NHSL2: variants seen among roughly 807,000 people sequenced by gnomAD.
The protein encoded by NHSL2 is NHS-like protein 2.
In NHSL2, 27 loss-of-function variants were observed where a neutral mutation model predicts 53.4. The observed-to-expected ratio is 0.51, with a 90% CI of 0.37 to 0.70. NHSL2 has a LOEUF of 0.70. Among genes scored for constraint, NHSL2 ranks in the 30% least tolerant of loss-of-function variants. NHSL2 has a pLI of 0.00. For missense variants in NHSL2, 892 were observed against 980.1 expected (o/e 0.91, Z 1.20); for synonymous variants, 408 against 404.1 (o/e 1.01, Z -0.12).
chrX:71,965,176 G>A (rs1282019634), intron 1 of NHSL2, among the ~76,000 whole-genome samples: 2 of 112,322 alleles, frequency 1.8e-5, no homozygotes, highest in Non-Finnish European at 3.8e-5. Context: ...TTTTCAAAAA[G>A]CCATCACCAT....
intron 1 of NHSL2, among the ~76,000 whole-genome samples, chrX:71,944,174 A>G (rs989787646): frequency 4.4e-5 from 5 of 112,361 alleles, no homozygotes; most frequent in Non-Finnish European, 9.4e-5. Context: ...CTTCTGTCAC[A>G]TGCTCCCTCT....
intron 1 of NHSL2, among the ~76,000 whole-genome samples, chrX:72,021,060 TAC>T (rs68122154): frequency 0.12 from 13,324 of 106,704 alleles, 1,679 homozygotes; most frequent in African/African-American, 0.37. Flanking sequence ...CGCGTGCGCA[TAC>T]ACACACACAC....
intron 1 of NHSL2, among the ~76,000 whole-genome samples, chrX:72,009,687 A>G (rs759320465): frequency 3.6e-5 from 4 of 112,346 alleles, no homozygotes; most frequent in Admixed American, 2.8e-4. Context: ...AGCACTTAAT[A>G]CTATCTGACA....
In NHSL2 at chrX:72,126,160, C is replaced by T. The variant is rs1002660912; in HGVS notation, c.281-5919C>T. ...AGAAATACCATGGTTTCCTCCCTCC[C>T]TCCCTTCCTCTTAAAGGGACAAAGC... On this transcript the variant is annotated intron_variant, in intron 1 of 7. Transcript: ENST00000633930. 2.7e-5 allele frequency among the ~76,000 whole-genome samples: 3 copies of T among 111,949 alleles called. No individual in the cohort carries two copies. In the Admixed American group the frequency reaches 2.8e-4, roughly 11 times the overall value.
chrX:71,929,539 A>G (rs1433044837), intron 1 of NHSL2, among the ~76,000 whole-genome samples: 1 of 112,277 alleles, frequency 8.9e-6, no homozygotes, highest in Admixed American at 9.4e-5. Context: ...CTGGTTAAGA[A>G]CTTAATTTAA....
intron 1 of NHSL2, among the ~76,000 whole-genome samples, chrX:72,041,261 C>G (rs1320350623): frequency 9.0e-6 from 1 of 111,251 alleles, no homozygotes; most frequent in East Asian, 2.8e-4. Flanking sequence ...GTGAGTGAAG[C>G]AGGTCACATA....
chrX:72,003,758 C>T (rs2042081886), intron 1 of NHSL2, among the ~76,000 whole-genome samples: 1 of 111,454 alleles, frequency 9.0e-6, no homozygotes, highest in African/African-American at 3.3e-5. Flanking sequence ...GTATTGCGGG[C>T]CTGACAGACC....
rs775615995 is a variant in NHSL2, at chrX:72,132,065, C to A, written c.281-14C>A. Reference sequence around the variant, plus strand: ...AGCTCGCCTGCGCCTCTCACTGACTCTCTCCTTCCCTAGCTGCAGCTAACT... The same window carrying A: ...AGCTCGCCTGCGCCTCTCACTGACTATCTCCTTCCCTAGCTGCAGCTAACT... On this transcript the variant is annotated splice_polypyrimidine_tract_variant and intron_variant, in intron 1 of 7. Transcript: ENST00000633930. The A allele has an allele frequency of 8.6e-7, 1 of 1,166,107 alleles. No individual in the cohort carries two copies. The highest frequency in any genetic ancestry group is 1.1e-6 in the Non-Finnish European group (1 of 871,804).
intron 1 of NHSL2, among the ~76,000 whole-genome samples, chrX:72,064,126 G>T (rs1390238176): frequency 8.9e-6 from 1 of 111,902 alleles, no homozygotes; most frequent in Non-Finnish European, 1.9e-5. Context: ...CAGGCTTGAG[G>T]GACTGTGCCT....
chrX:71,922,930 C>T (rs1180033882), intron 1 of NHSL2, among the ~76,000 whole-genome samples: 1 of 111,888 alleles, frequency 8.9e-6, no homozygotes, highest in Non-Finnish European at 1.9e-5. Context: ...CGAAATAGCC[C>T]AATGAAATCT....
chrX:72,143,105 G>A, intron 7 of NHSL2, 148 bp from the exon 8 acceptor site: 1 of 446,913 alleles, frequency 2.2e-6, no homozygotes, highest in Non-Finnish European at 3.9e-6. Context: ...GGGACTCTGA[G>A]GATTTAGAGG....
Position 72,147,529 on chromosome X carries a change from T to C in NHSL2, c.*3955T>C, listed in dbSNP as rs918452621. ...ATTGCTATAAGTCTTTGTGTGCCTATACATTAAAGAATCTTTAATAGTGTT... is the reference window on the plus strand; with the variant it reads ...ATTGCTATAAGTCTTTGTGTGCCTACACATTAAAGAATCTTTAATAGTGTT... On this transcript the variant is annotated 3_prime_UTR_variant, in exon 8 of 8. Coordinates refer to ENST00000633930, the MANE Select transcript of NHSL2 (RefSeq NM_001013627.3). 1.8e-5 allele frequency: 2 copies of C among 112,674 alleles called. No individual in the cohort carries two copies. Among genetic ancestry groups the C allele is most frequent in the African/African-American group, 6.5e-5 (2 of 30,998 alleles). 9.3% of individuals were successfully genotyped at this position (112,674 alleles called of 1,213,427 possible).
chrX:72,124,815 C>T (rs2042209446), intron 1 of NHSL2, among the ~76,000 whole-genome samples: 1 of 112,123 alleles, frequency 8.9e-6, no homozygotes. Flanking sequence ...TTGCCTTCCT[C>T]CATCGCTCAG....
rs959703534 is a variant in NHSL2, at chrX:72,137,216, C to A, written c.883C>A (p.Arg295=). 4 of 1,164,106 alleles carry A rather than the reference C, an allele frequency of 3.4e-6. No individual in the cohort carries two copies. The highest frequency in any genetic ancestry group is 1.9e-5 in the South Asian group (1 of 52,372). The change falls in exon 5 of 8, where the codon CGA becomes AGA. Residue 295 remains arginine (R), a synonymous_variant. Coordinates refer to ENST00000633930, the MANE Select transcript of NHSL2 (RefSeq NM_001013627.3). ...TIIGFSNFSQ[R]DQGHSNSPAG... is the part of the protein sequence containing the mutation. Reference sequence around the variant, plus strand: ...TATTGGATTCTCTAACTTTTCCCAGCGAGACCAAGGTGACCCCACCACAGC... The same window carrying A: ...TATTGGATTCTCTAACTTTTCCCAGAGAGACCAAGGTGACCCCACCACAGC...
At chrX:72,058,140 A>G (rs1261231432) in intron 1 of NHSL2, among the ~76,000 whole-genome samples, 1 of 111,981 alleles carries the variant, frequency 8.9e-6, no homozygotes, top group Non-Finnish European at 1.9e-5. Flanking sequence ...AGAACAATTG[A>G]CAGGTAAACT....
At chrX:71,915,531 C>T (rs1400294146) in intron 1 of NHSL2, among the ~76,000 whole-genome samples, 1 of 112,340 alleles carries the variant, frequency 8.9e-6, no homozygotes, top group East Asian at 2.8e-4. Context: ...AATACTAAAC[C>T]TTTAAACAAA....
At chrX:71,927,277 G>A (rs990225418) in intron 1 of NHSL2, among the ~76,000 whole-genome samples, 2 of 112,126 alleles carry the variant, frequency 1.8e-5, no homozygotes, top group Middle Eastern at 8.4e-3. Context: ...ACTCAATGGG[G>A]TCAGGCTGTG....
chrX:72,067,459 T>C (rs1055548926), intron 1 of NHSL2, among the ~76,000 whole-genome samples: 1 of 111,728 alleles, frequency 9.0e-6, no homozygotes, highest in African/African-American at 3.3e-5. Flanking sequence ...GTCCTGTCTT[T>C]TCTAGCCTCT....
At position 72,120,652 on chromosome X, in the gene NHSL2, C is replaced by T. The variant is rs1329018014; in HGVS notation, c.281-11427C>T. Among the ~76,000 whole-genome samples, 3 of 112,180 alleles carry T rather than the reference C, an allele frequency of 2.7e-5. No individual in the cohort carries two copies. The Admixed American group carries it at 2.8e-4, about 11-fold the overall frequency. Reference sequence around the variant, plus strand: ...CGTTTGGCCCTCCGCCTCCTTCTGCCTATACTTGAGAGCCTTGGCCAACCT... The same window carrying T: ...CGTTTGGCCCTCCGCCTCCTTCTGCTTATACTTGAGAGCCTTGGCCAACCT... On this transcript the variant is annotated intron_variant, in intron 1 of 7. Coordinates refer to ENST00000633930, the MANE Select transcript of NHSL2 (RefSeq NM_001013627.3).
Sources: gnomAD v4.1 joint callset for allele counts (sites outside exome capture counted in the v4.1 genomes callset) on GRCh38, gnomAD v4.1.1 for gene constraint, MANE v1.5 for transcripts, NCBI Gene and HGNC (gene_info 2026-07-23, HGNC 2026-07-21) for gene names.